SERINC5: variants seen among roughly 807,000 people sequenced by gnomAD.
SERINC5 encodes the protein serine incorporator 5.
Under a neutral mutation model 63.1 loss-of-function variants are expected in SERINC5, and 41 were observed. The ratio of observed to expected loss-of-function variants is 0.65; its 90% CI spans 0.51 to 0.84. The LOEUF (loss-of-function observed/expected upper bound fraction) is 0.84, where lower values mean the gene tolerates loss of function less well. Ranked by LOEUF, SERINC5 falls within the 40% of genes least tolerant of loss-of-function variation. The pLI, the probability that SERINC5 is intolerant of heterozygous loss-of-function variation, is 0.00. For missense variants in SERINC5, 523 were observed against 573.0 expected, an observed-to-expected ratio of 0.91 and a Z score of 0.89; for synonymous variants, 222 against 215.2, an observed-to-expected ratio of 1.03 and a Z score of -0.28.
chr5:80,173,528 G>A (rs539085741), intron 5 of SERINC5, among the ~76,000 whole-genome samples: 3 of 152,234 alleles, frequency 2.0e-5, no homozygotes, highest in South Asian at 2.1e-4. Context: ...CCCGGGAGGC[G>A]GAGCTTGCAG....
At chr5:80,240,037 T>C (rs1385587519) in intron 1 of SERINC5, among the ~76,000 whole-genome samples, 1 of 152,174 alleles carries the variant, frequency 6.6e-6, no homozygotes, top group Non-Finnish European at 1.5e-5. Flanking sequence ...CTATTTATTC[T>C]ATACTTACTT....
rs149012191 is a variant in SERINC5 at position 80,118,530 on chromosome 5, A to G, written c.1239-4905T>C. ...GGCCAGGGATCTCTCTTCCTTTTAT[A>G]AGGCTTCTAGTCTCTTTTTTTTCTT... On this transcript the variant is annotated intron_variant, in intron 11 of 12. Transcript: ENST00000509193. Among the ~76,000 whole-genome samples the G allele has an allele frequency of 3.5e-3, 529 of 151,782 alleles. 1 individual carries two copies. The highest frequency in any genetic ancestry group is 0.012 in the African/African-American group (490 of 41,384).
chr5:80,162,861 C>T (rs185295309), intron 7 of SERINC5, among the ~76,000 whole-genome samples: 10 of 149,210 alleles, frequency 6.7e-5, no homozygotes, highest in Middle Eastern at 3.5e-3. Flanking sequence ...TTTTTTGAGG[C>T]GGAGTTTCAC....
intron 5 of SERINC5, among the ~76,000 whole-genome samples, chr5:80,172,010 G>A (rs1381771537): frequency 6.6e-6 from 1 of 152,126 alleles, no homozygotes; most frequent in Non-Finnish European, 1.5e-5. Flanking sequence ...AAATGAACCC[G>A]ATAAATATGT....
intron 2 of SERINC5, 95 bp downstream of exon 2, chr5:80,202,791 T>A: frequency 8.0e-7 from 1 of 1,247,014 alleles, no homozygotes; most frequent in Non-Finnish European, 1.1e-6. Flanking sequence ...CCAAAACACA[T>A]GGGGGTACAT....
intron 11 of SERINC5, among the ~76,000 whole-genome samples, chr5:80,118,756 T>C (rs1321857245): frequency 7.6e-6 from 1 of 131,912 alleles, no homozygotes; most frequent in Non-Finnish European, 1.6e-5. Flanking sequence ...GGTTTTGCCA[T>C]GTTGACAAGG....
chr5:80,236,418 A>T (rs111283815), intron 1 of SERINC5, among the ~76,000 whole-genome samples: 2,968 of 152,298 alleles, frequency 0.019, 47 homozygotes, highest in African/African-American at 0.044. Context: ...TATATGCACA[A>T]AAAAGCCTAA....
chr5:80,146,338 G>T, intron 10 of SERINC5, 104 bp from the exon 11 acceptor site: 3 of 1,373,668 alleles, frequency 2.2e-6, no homozygotes, highest in Non-Finnish European at 1.0e-6. Flanking sequence ...TAGAAAAGAT[G>T]CCAGAAAGCC....
chr5:80,133,715 G>T (rs1418898377), intron 11 of SERINC5, among the ~76,000 whole-genome samples: 1 of 152,176 alleles, frequency 6.6e-6, no homozygotes, highest in African/African-American at 2.4e-5. Context: ...TTAAGACAGG[G>T]GAATTACAAT....
intron 1 of SERINC5, among the ~76,000 whole-genome samples, chr5:80,243,315 AG>A (rs1752029647): frequency 2.6e-5 from 4 of 152,334 alleles, no homozygotes; most frequent in Admixed American, 2.6e-4. Flanking sequence ...AGATAAAAAA[AG>A]ACTCTTACAT....
intron 11 of SERINC5, among the ~76,000 whole-genome samples, chr5:80,131,429 C>T (rs908628873): frequency 2.6e-5 from 4 of 152,076 alleles, no homozygotes; most frequent in South Asian, 2.1e-4. Flanking sequence ...TTATTAGCAG[C>T]GTGAGAACAG....
Position 80,139,333 on chromosome 5 carries a change from G to A in SERINC5, c.*4330C>T. ...GACATATATTACAAATCTGCTGTAAGCTTTCTTTACCTGAGAGAACTTCCC... is the reference window on the plus strand; with the variant it reads ...GACATATATTACAAATCTGCTGTAAACTTTCTTTACCTGAGAGAACTTCCC... On this transcript the variant is annotated 3_prime_UTR_variant, in exon 12 of 12. Coordinates refer to ENST00000507668, the MANE Select transcript of SERINC5 (RefSeq NM_001174072.3). 2 of 984,374 alleles carry A rather than the reference G, an allele frequency of 2.0e-6. No individual in the cohort carries two copies. The highest frequency in any genetic ancestry group is 2.4e-6 in the Non-Finnish European group (2 of 829,074). 61.0% of individuals were successfully genotyped at this position (984,374 alleles called of 1,614,324 possible).
At chr5:80,237,976 C>T (rs1388489401) in intron 1 of SERINC5, among the ~76,000 whole-genome samples, 1 of 151,326 alleles carries the variant, frequency 6.6e-6, no homozygotes, top group African/African-American at 2.4e-5. Context: ...TGGTGGCGCG[C>T]GCCTGTAGTC....
chr5:80,177,444 CAAG>C (rs755107878), intron 3 of SERINC5, 47 bp from the exon 4 acceptor site: 2 of 1,480,650 alleles, frequency 1.4e-6, no homozygotes, highest in South Asian at 1.1e-5. Flanking sequence ...AAATGACATT[CAAG>C]AAGGACAAAG....
At chr5:80,127,466 T>C (rs780174031) in intron 11 of SERINC5, among the ~76,000 whole-genome samples, 7 of 152,218 alleles carry the variant, frequency 4.6e-5, no homozygotes, top group Non-Finnish European at 1.5e-5. Flanking sequence ...AACTGAACTT[T>C]AGTCATTGTA....
intron 1 of SERINC5, among the ~76,000 whole-genome samples, chr5:80,206,006 T>G (rs1750145236): frequency 6.9e-6 from 1 of 145,238 alleles, no homozygotes; most frequent in Non-Finnish European, 1.5e-5. Flanking sequence ...CCTCAAGACT[T>G]CTCGTTTATA....
intron 11 of SERINC5, among the ~76,000 whole-genome samples, chr5:80,122,906 T>A (rs1242723216): frequency 1.3e-5 from 2 of 152,236 alleles, no homozygotes; most frequent in African/African-American, 2.4e-5. Context: ...TTTTTCTCAG[T>A]GCCTCCAGGT....
chr5:80,146,341 A>C (rs1265854374), intron 10 of SERINC5, 107 bp from the exon 11 acceptor site: 15 of 1,373,060 alleles, frequency 1.1e-5, no homozygotes, highest in Non-Finnish European at 1.5e-5. Context: ...AAAAGATGCC[A>C]GAAAGCCATC....
downstream of SERINC5, among the ~76,000 whole-genome samples, chr5:80,137,151 AAAAAAAAAAAAAC>A (rs1390029684): frequency 0.012 from 1,650 of 141,326 alleles, 18 homozygotes; most frequent in Non-Finnish European, 0.019. Context: ...AAAAAAAAAA[AAAAAAAAAAAAAC>A]AAAAAAAACA....
Sources: allele counts gnomAD v4.1 joint callset (sites outside exome capture counted in the v4.1 genomes callset), GRCh38; gene constraint gnomAD v4.1.1; transcripts MANE v1.5; gene names NCBI Gene and HGNC (gene_info 2026-07-23, HGNC 2026-07-21).